TRPM3: variants seen among roughly 807,000 people sequenced by gnomAD.
The protein encoded by TRPM3 is long transient receptor potential channel 3.
In TRPM3, 77 loss-of-function variants were observed where a neutral mutation model predicts 181.2. The ratio of observed to expected loss-of-function variants is 0.42; its 90% CI spans 0.35 to 0.51. TRPM3 has a LOEUF of 0.51. Among genes scored for constraint, TRPM3 ranks in the 20% least tolerant of loss-of-function variants. The probability of loss-of-function intolerance (pLI) is 0.01; values close to 1 mark genes in which losing one functional copy is unlikely to be tolerated. For missense variants in TRPM3, 1,759 were observed against 2,196.7 expected (o/e 0.80, Z 3.98); for synonymous variants, 745 against 796.4 (o/e 0.94, Z 1.09).
intron 5 of TRPM3, 187 bp downstream of exon 5, chr9:70,842,816 T>G (rs1249201542): frequency 1.8e-6 from 1 of 569,156 alleles, no homozygotes; most frequent in Non-Finnish European, 2.9e-6. Context: ...AGAATTGACC[T>G]GGAGTTTGCC....
chr9:71,183,550 A>C (rs1420277947), intron 1 of TRPM3, among the ~76,000 whole-genome samples: 1 of 152,146 alleles, frequency 6.6e-6, no homozygotes, highest in Non-Finnish European at 1.5e-5. Flanking sequence ...AATATTTATT[A>C]TTATATACTA....
chr9:70,752,072 G>A (rs2076295588), intron 8 of TRPM3, among the ~76,000 whole-genome samples: 1 of 147,652 alleles, frequency 6.8e-6, no homozygotes, highest in Non-Finnish European at 1.5e-5. Flanking sequence ...GCATACACAT[G>A]TACATGCAAC....
intron 1 of TRPM3, chr9:70,917,360 A>G (rs2133230185): frequency 6.8e-6 from 7 of 1,030,262 alleles, no homozygotes; most frequent in Admixed American, 3.4e-5. Flanking sequence ...CAAGTCCAAG[A>G]GTGAAAGGCC....
chr9:70,605,262 G>A (rs186362178), intron 19 of TRPM3, among the ~76,000 whole-genome samples: 2 of 152,186 alleles, frequency 1.3e-5, no homozygotes, highest in East Asian at 3.9e-4. Flanking sequence ...CGCCTAAATA[G>A]AGTCTTAATA....
At chr9:71,410,367 T>A (rs2093522543) in intron 1 of TRPM3, among the ~76,000 whole-genome samples, 1 of 151,726 alleles carries the variant, frequency 6.6e-6, no homozygotes, top group Non-Finnish European at 1.5e-5. Context: ...CTAGCAAGAC[T>A]AGTAAAGAAG....
chr9:71,437,599 G>T (rs1016157575), intron 1 of TRPM3, among the ~76,000 whole-genome samples: 2 of 152,126 alleles, frequency 1.3e-5, no homozygotes, highest in Non-Finnish European at 2.9e-5. Context: ...AGCCGGGCGT[G>T]GGGGCTCATG....
At chr9:71,289,181 GAC>G (rs2085562619) in intron 1 of TRPM3, among the ~76,000 whole-genome samples, 2 of 151,526 alleles carry the variant, frequency 1.3e-5, no homozygotes, top group Admixed American at 1.3e-4. Context: ...GAGAGAGAGA[GAC>G]AGCAGAAAAC....
intron 1 of TRPM3, among the ~76,000 whole-genome samples, chr9:71,244,511 T>A (rs1037339059): frequency 1.3e-5 from 2 of 152,068 alleles, no homozygotes; most frequent in East Asian, 3.9e-4. Flanking sequence ...ATCCTCTAAG[T>A]CACCCTTGAG....
intron 1 of TRPM3, among the ~76,000 whole-genome samples, chr9:71,335,971 T>G (rs970609711): frequency 6.6e-6 from 1 of 152,034 alleles, no homozygotes; most frequent in Admixed American, 6.6e-5. Flanking sequence ...GAGAAAAATA[T>G]TCAAAGGTGT....
chr9:70,872,610 G>A (rs747219048), intron 1 of TRPM3, among the ~76,000 whole-genome samples: 15 of 151,846 alleles, frequency 9.9e-5, no homozygotes, highest in Non-Finnish European at 1.9e-4. Flanking sequence ...CTGCCATTGT[G>A]CTGTGTCTTT....
At chr9:71,131,513 A>G (rs1467489946) in intron 1 of TRPM3, among the ~76,000 whole-genome samples, 2 of 152,214 alleles carry the variant, frequency 1.3e-5, no homozygotes, top group East Asian at 3.8e-4. Context: ...ATGGAAACTC[A>G]ATCAAAATTT....
intron 6 of TRPM3, among the ~76,000 whole-genome samples, chr9:70,794,927 C>T (rs2086615869): frequency 6.6e-6 from 1 of 152,148 alleles, no homozygotes; most frequent in African/African-American, 2.4e-5. Context: ...CCTCAACTAA[C>T]AAAAGATCAA....
At chr9:70,871,099 A>T (rs1347090607) in intron 1 of TRPM3, among the ~76,000 whole-genome samples, 2 of 151,814 alleles carry the variant, frequency 1.3e-5, no homozygotes, top group African/African-American at 4.8e-5. Flanking sequence ...GTGGAGGGTG[A>T]GTTTTCTAGA....
intron 8 of TRPM3, 161 bp downstream of exon 8, chr9:70,761,440 A>T: frequency 3.5e-6 from 3 of 865,638 alleles, no homozygotes; most frequent in Non-Finnish European, 5.8e-6. Context: ...GCAGTGTCTT[A>T]GTTACTTAGG....
intron 1 of TRPM3, among the ~76,000 whole-genome samples, chr9:71,400,699 G>C (rs779220564): frequency 8.6e-5 from 13 of 151,758 alleles, no homozygotes; most frequent in Non-Finnish European, 1.5e-4. Flanking sequence ...CTGGTAAAGA[G>C]GTATAATCTA....
At chr9:70,940,648 A>G (rs1024939089) in intron 1 of TRPM3, among the ~76,000 whole-genome samples, 3 of 152,256 alleles carry the variant, frequency 2.0e-5, no homozygotes, top group Non-Finnish European at 4.4e-5. Context: ...TGGAATGAAT[A>G]TCAAGGTACA....
intron 1 of TRPM3, among the ~76,000 whole-genome samples, chr9:71,096,609 C>CTA: frequency 6.7e-6 from 1 of 150,048 alleles, no homozygotes; most frequent in Non-Finnish European, 1.5e-5. Flanking sequence ...CTCTCTCTCT[C>CTA]TCTCTCTCTC....
chr9:70,598,305 A>G (rs2059353564), intron 21 of TRPM3, 114 bp downstream of exon 21: 1 of 1,367,628 alleles, frequency 7.3e-7, no homozygotes, highest in Non-Finnish European at 1.0e-6. Flanking sequence ...AAACACCTCT[A>G]GGGCCATCTC....
intron 1 of TRPM3, among the ~76,000 whole-genome samples, chr9:71,356,418 C>A (rs1008284431): frequency 6.6e-6 from 1 of 152,062 alleles, no homozygotes; most frequent in African/African-American, 2.4e-5. Context: ...GTGACCCACA[C>A]AACCCATACA....
Sources: gnomAD v4.1 joint callset for allele counts (sites outside exome capture counted in the v4.1 genomes callset) on GRCh38, gnomAD v4.1.1 for gene constraint, MANE v1.5 for transcripts, NCBI Gene and HGNC (gene_info 2026-07-23, HGNC 2026-07-21) for gene names.